The following ATP8B4 variants were observed in gnomAD, a reference collection of about 807,000 sequenced individuals.
ATP8B4 encodes the protein probable phospholipid-transporting ATPase IM.
In ATP8B4, 133 loss-of-function variants were observed where a neutral mutation model predicts 145.6. That is an observed-to-expected ratio of 0.91 (90% CI 0.79 to 1.05). The LOEUF (loss-of-function observed/expected upper bound fraction) is 1.05, where lower values mean the gene tolerates loss of function less well. ATP8B4 is among the 50% of genes least tolerant of loss of function. The pLI is 0.00. For synonymous variants in ATP8B4, 507 were observed against 492.9 expected (o/e 1.03, Z -0.38); for missense variants, 1,458 against 1,425.2 (o/e 1.02, Z -0.37).
intron 1 of ATP8B4, among the ~76,000 whole-genome samples, chr15:50,160,015 CTTTTT>C (rs35773416): frequency 6.0e-4 from 12 of 20,100 alleles, no homozygotes; most frequent in Admixed American, 3.0e-3. Context: ...CAGGTCCTGG[CTTTTT>C]TTTTTTTTTT....
chr15:50,178,043 G>A (rs1339037392), intron 1 of ATP8B4, among the ~76,000 whole-genome samples: 1 of 152,216 alleles, frequency 6.6e-6, no homozygotes, highest in Non-Finnish European at 1.5e-5. Context: ...GAAGGTGTCA[G>A]TATGCACACC....
chr15:49,923,293 T>A, intron 17 of ATP8B4, 86 bp downstream of exon 17: 1 of 903,934 alleles, frequency 1.1e-6, no homozygotes, highest in Non-Finnish European at 1.7e-6. Context: ...AGTCAAATCA[T>A]CTAGCTGCTA....
chr15:49,981,799 C>A (rs866889211), intron 10 of ATP8B4, among the ~76,000 whole-genome samples: 5 of 151,984 alleles, frequency 3.3e-5, no homozygotes, highest in African/African-American at 1.2e-4. Flanking sequence ...GTAATTTAAA[C>A]CTTTATTGTG....
chr15:50,002,283 T>C (rs2047957695), intron 7 of ATP8B4, 60 bp from the exon 8 acceptor site: 2 of 1,383,578 alleles, frequency 1.4e-6, no homozygotes, highest in Middle Eastern at 1.8e-4. Context: ...GAAAGTCTTC[T>C]ACAGTATATC....
chr15:49,923,508 A>G lies in ATP8B4; in HGVS notation c.1643-14T>C. 1 of 1,541,748 alleles carries G rather than the reference A, an allele frequency of 6.5e-7. No individual in the cohort carries two copies. The highest frequency in any genetic ancestry group is 8.9e-7 in the Non-Finnish European group (1 of 1,128,184). ...CTGGGTTTCGAACTGAAAAGAAAAA[A>G]GTTTGGAAAAGCAGAATATAATCAA... is the stretch of plus-strand genomic sequence containing the variant. On this transcript the variant is annotated splice_polypyrimidine_tract_variant and intron_variant, in intron 16 of 27. Transcript: ENST00000284509.
intron 25 of ATP8B4, among the ~76,000 whole-genome samples, chr15:49,868,783 T>A (rs74014168): frequency 0.024 from 3,601 of 152,258 alleles, 150 homozygotes; most frequent in African/African-American, 0.083. Flanking sequence ...TGATGAAGGA[T>A]AGAATTTCAT....
intron 14 of ATP8B4, among the ~76,000 whole-genome samples, chr15:49,955,130 A>G (rs966049363): frequency 6.6e-6 from 1 of 152,188 alleles, no homozygotes; most frequent in Non-Finnish European, 1.5e-5. Flanking sequence ...TTGGGCACAC[A>G]TGGACACAAA....
intron 8 of ATP8B4, among the ~76,000 whole-genome samples, chr15:49,998,693 T>C (rs1057089762): frequency 4.6e-5 from 7 of 152,234 alleles, no homozygotes; most frequent in Non-Finnish European, 7.3e-5. Context: ...TGTAGTTGCC[T>C]GTTCACTCTG....
intron 6 of ATP8B4, among the ~76,000 whole-genome samples, chr15:50,023,818 G>T (rs1213400242): frequency 1.6e-5 from 2 of 122,476 alleles, no homozygotes; most frequent in Non-Finnish European, 3.5e-5. Context: ...AAAAAAAAAA[G>T]CCTTTTAAAA....
At chr15:49,950,590 T>TA (rs766902500) in intron 14 of ATP8B4, among the ~76,000 whole-genome samples, 1,744 of 45,998 alleles carry the variant, frequency 0.038, 50 homozygotes, top group African/African-American at 0.09. Context: ...ATGTATTAAC[T>TA]AAAAAAAAAA....
At chr15:50,019,109 G>A (rs745403044) in intron 6 of ATP8B4, 3 of 486,626 alleles carry the variant, frequency 6.2e-6, no homozygotes, top group African/African-American at 4.0e-5. Context: ...TGACTTTTTA[G>A]GAACAATCTT....
chr15:50,057,341 C>T (rs1298283158), intron 3 of ATP8B4, among the ~76,000 whole-genome samples: 1 of 152,180 alleles, frequency 6.6e-6, no homozygotes, highest in Non-Finnish European at 1.5e-5. Flanking sequence ...GAAACTGAGG[C>T]TTTGAACAGT....
intron 14 of ATP8B4, among the ~76,000 whole-genome samples, chr15:49,939,855 C>A (rs1346253997): frequency 6.6e-6 from 1 of 152,080 alleles, no homozygotes; most frequent in Admixed American, 6.6e-5. Flanking sequence ...CAATGAGATA[C>A]CATCTCACAC....
intron 13 of ATP8B4, among the ~76,000 whole-genome samples, chr15:49,963,012 T>G (rs1034539278): frequency 6.6e-6 from 1 of 152,000 alleles, no homozygotes; most frequent in Non-Finnish European, 1.5e-5. Flanking sequence ...TTGCAATCTA[T>G]CCATCTGACA....
chr15:50,011,605 G>C (rs2048727506), intron 6 of ATP8B4, among the ~76,000 whole-genome samples: 1 of 152,042 alleles, frequency 6.6e-6, no homozygotes. Flanking sequence ...AGTTCAAAGG[G>C]GTTTATTATG....
intron 2 of ATP8B4, among the ~76,000 whole-genome samples, chr15:50,099,776 C>T (rs572730133): frequency 8.5e-5 from 13 of 152,108 alleles, no homozygotes; most frequent in South Asian, 4.1e-4. Context: ...CGGTGGCTCA[C>T]GCCTGTAATC....
At position 49,858,272 on chromosome 15, in the gene ATP8B4, C is replaced by A. The variant is rs970843428; in HGVS notation, c.*1922G>T. ...TGCCAAAACATTTACTGAAAGTTTTCAAATCTTGCAAAAATGTTACAAAAA... is the reference window on the plus strand; with the variant it reads ...TGCCAAAACATTTACTGAAAGTTTTAAAATCTTGCAAAAATGTTACAAAAA... On this transcript the variant is annotated 3_prime_UTR_variant, in exon 28 of 28. Transcript: ENST00000284509. 1 of 152,056 alleles carries A rather than the reference C, an allele frequency of 6.6e-6. No homozygotes were observed. Among genetic ancestry groups the A allele is most frequent in the African/African-American group, 2.4e-5 (1 of 41,402 alleles). The allele number at this position is 152,056 out of a possible 1,614,324, so 9.4% of individuals were successfully genotyped here.
chr15:49,989,943 C>T (rs1204106803), intron 9 of ATP8B4, among the ~76,000 whole-genome samples: 2 of 151,724 alleles, frequency 1.3e-5, no homozygotes, highest in East Asian at 1.9e-4. Context: ...GGATCTTTGT[C>T]GAAGAGATGG....
intron 14 of ATP8B4, among the ~76,000 whole-genome samples, chr15:49,961,317 G>A (rs554417807): frequency 1.3e-5 from 2 of 152,232 alleles, no homozygotes; most frequent in South Asian, 4.1e-4. Context: ...GGTGACAGTG[G>A]GGGAAATCAG....
Sources: gnomAD v4.1 joint callset for allele counts (sites outside exome capture counted in the v4.1 genomes callset) on GRCh38, gnomAD v4.1.1 for gene constraint, MANE v1.5 for transcripts, NCBI Gene and HGNC (gene_info 2026-07-23, HGNC 2026-07-21) for gene names.